PTPRE: variants seen among roughly 807,000 people sequenced by gnomAD.
PTPRE encodes the protein protein tyrosine phosphatase receptor type E, also known as receptor-type tyrosine-protein phosphatase epsilon.
A neutral mutation model predicts 102.0 loss-of-function variants in PTPRE; 51 were observed. The observed-to-expected ratio is 0.50, with a 90% CI of 0.40 to 0.63. PTPRE has a LOEUF of 0.63. Among genes scored for constraint, PTPRE ranks in the 30% least tolerant of loss-of-function variants. The pLI, the probability that PTPRE is intolerant of heterozygous loss-of-function variation, is 0.00. For missense variants in PTPRE, 752 were observed against 915.1 expected, an observed-to-expected ratio of 0.82 and a Z score of 2.30; for synonymous variants, 345 against 348.2, an observed-to-expected ratio of 0.99 and a Z score of 0.10.
intron 2 of PTPRE, among the ~76,000 whole-genome samples, chr10:128,038,409 A>T (rs867242923): frequency 3.9e-5 from 6 of 152,194 alleles, no homozygotes; most frequent in South Asian, 4.1e-4. Context: ...AACCAACCCA[A>T]ATGTCCAACA....
intron 1 of PTPRE, among the ~76,000 whole-genome samples, chr10:127,941,267 C>T (rs2135291264): frequency 6.6e-6 from 1 of 152,366 alleles, no homozygotes; most frequent in East Asian, 1.9e-4. Context: ...ACTCCTTCCC[C>T]ATGTCAGCAT....
At chr10:128,009,869 AC>A (rs1187198286) in intron 2 of PTPRE, among the ~76,000 whole-genome samples, 2 of 151,856 alleles carry the variant, frequency 1.3e-5, no homozygotes, top group Non-Finnish European at 2.9e-5. Flanking sequence ...TGGTGGCCTC[AC>A]CCCCCTCCAT....
At chr10:127,991,390 C>G (rs892904030) in intron 2 of PTPRE, among the ~76,000 whole-genome samples, 3 of 152,126 alleles carry the variant, frequency 2.0e-5, no homozygotes, top group Non-Finnish European at 4.4e-5. Flanking sequence ...AAGTCATTTT[C>G]CTTTAAAAAA....
At position 127,907,411 on chromosome 10, in the gene PTPRE, G is replaced by C. The variant is rs1453470125; in HGVS notation, c.-31+102G>C. Reference sequence around the variant, plus strand: ...CGCTGCCTCGGCCGCTGCCGCGGGAGGGAGGGGCCGCTCCGGGGCTCAGAG... The same window carrying C: ...CGCTGCCTCGGCCGCTGCCGCGGGACGGAGGGGCCGCTCCGGGGCTCAGAG... On this transcript the variant is annotated intron_variant, in intron 1 of 20. Transcript: ENST00000254667. This position sits in a 1 kb window ranked among gnomAD's most constrained non-coding sequence, Gnocchi z 4.8. The C allele has an allele frequency of 5.7e-6, 5 of 882,798 alleles. No homozygotes were observed. The highest frequency in any genetic ancestry group is 1.8e-5 in the African/African-American group (1 of 54,810). The allele number at this position is 882,798 out of a possible 1,614,324, so 54.7% of individuals were successfully genotyped here.
intron 2 of PTPRE, among the ~76,000 whole-genome samples, chr10:127,990,430 A>AAAAG (rs1564855577): frequency 3.3e-5 from 5 of 151,452 alleles, no homozygotes; most frequent in African/African-American, 7.3e-5. Flanking sequence ...AAAAAAAAAA[A>AAAAG]AAAGAAAGAA....
chr10:128,051,059 A>G (rs781076292), intron 6 of PTPRE, among the ~76,000 whole-genome samples: 8 of 152,206 alleles, frequency 5.3e-5, no homozygotes, highest in Non-Finnish European at 8.8e-5. Flanking sequence ...TTGTGTTGCA[A>G]TCTCTCAGCC....
chr10:128,077,340 G>A (rs560126056), intron 18 of PTPRE, among the ~76,000 whole-genome samples: 1 of 152,366 alleles, frequency 6.6e-6, no homozygotes, highest in East Asian at 1.9e-4. Flanking sequence ...AGCTGCCAAG[G>A]ATCCCGTAGG....
chr10:128,070,740 C>T lies in PTPRE; in HGVS notation c.1294-68C>T. ...GGCGTCCTTGCCAGCAGCACTAGTC[C>T]TCGGCTGAGCAATGTGCTCAGGAGT... On this transcript the variant is annotated intron_variant, in intron 14 of 20. Coordinates refer to ENST00000254667, the MANE Select transcript of PTPRE (RefSeq NM_006504.6). The surrounding 1 kb of genome is among the most constrained non-coding windows in gnomAD (Gnocchi z 4.8). 1.3e-6 allele frequency: 2 copies of T among 1,518,778 alleles called. No individual in the cohort carries two copies. The highest frequency in any genetic ancestry group is 1.8e-6 in the Non-Finnish European group (2 of 1,103,234). The allele number at this position is 1,518,778 out of a possible 1,614,324, so 94.1% of individuals were successfully genotyped here. A position where few individuals can be genotyped will look rare whatever the true frequency, so the allele number is the denominator to read the frequency against.
At chr10:127,910,654 C>G (rs567753689) in intron 1 of PTPRE, among the ~76,000 whole-genome samples, 1 of 152,204 alleles carries the variant, frequency 6.6e-6, no homozygotes, top group Non-Finnish European at 1.5e-5. Context: ...GAGTAATCAT[C>G]GCTACTTCCC....
intron 3 of PTPRE, 72 bp from the exon 4 acceptor site, chr10:128,047,316 GGC>G: frequency 6.5e-7 from 1 of 1,544,216 alleles, no homozygotes; most frequent in Non-Finnish European, 8.8e-7. Flanking sequence ...CAGGAAGAAG[GGC>G]TTATGGAGGG....
Position 127,960,919 on chromosome 10 carries a change from G to T in PTPRE, c.-30-21355G>T, listed in dbSNP as rs1259939702. 1.6e-4 allele frequency among the ~76,000 whole-genome samples: 24 copies of T among 151,814 alleles called. 1 individual carries two copies. The highest frequency in any genetic ancestry group is 3.5e-4 in the Non-Finnish European group (24 of 67,974). On this transcript the variant is annotated intron_variant, in intron 1 of 20. Coordinates refer to ENST00000254667, the MANE Select transcript of PTPRE (RefSeq NM_006504.6). ...ACCTGTAGTCCCAGCTACTCAGGAG[G>T]CTGAGGCAGGAGAATGGCGTGAACC...
At chr10:127,976,268 C>G (rs1851170841) in intron 1 of PTPRE, among the ~76,000 whole-genome samples, 1 of 152,166 alleles carries the variant, frequency 6.6e-6, no homozygotes, top group Non-Finnish European at 1.5e-5. Flanking sequence ...CGGAAGGGAG[C>G]CTGGAATCAA....
chr10:127,982,622 A>C (rs145544146), intron 2 of PTPRE, among the ~76,000 whole-genome samples: 3 of 152,088 alleles, frequency 2.0e-5, no homozygotes, highest in African/African-American at 7.2e-5. Flanking sequence ...GTTGCTTTTA[A>C]AAGGGCCTAG....
chr10:128,067,826 G>A (rs905831243), intron 11 of PTPRE, among the ~76,000 whole-genome samples: 1 of 152,208 alleles, frequency 6.6e-6, no homozygotes, highest in South Asian at 2.1e-4. Context: ...CTGCTTGCAC[G>A]GGGGTCTGTG....
chr10:127,971,377 G>T (rs932074924), intron 1 of PTPRE, among the ~76,000 whole-genome samples: 12 of 152,150 alleles, frequency 7.9e-5, no homozygotes, highest in African/African-American at 2.9e-4. Context: ...CCTGGAGGGC[G>T]TCTCCATGTT....
intron 1 of PTPRE, among the ~76,000 whole-genome samples, chr10:127,970,582 T>C (rs1381636464): frequency 1.3e-5 from 2 of 152,010 alleles, no homozygotes; most frequent in African/African-American, 2.4e-5. Flanking sequence ...AATAAATATC[T>C]GCTGAGCCGT....
intron 2 of PTPRE, among the ~76,000 whole-genome samples, chr10:128,023,781 T>C (rs1247131874): frequency 1.3e-5 from 2 of 152,210 alleles, no homozygotes; most frequent in Non-Finnish European, 2.9e-5. Flanking sequence ...TGTCTGTGAA[T>C]TGTAGTTTAC....
At chr10:128,080,821 G>C (rs1012770509) in intron 20 of PTPRE, among the ~76,000 whole-genome samples, 2 of 152,214 alleles carry the variant, frequency 1.3e-5, no homozygotes, top group African/African-American at 4.8e-5. Context: ...TGCCTGGCCC[G>C]TGGCGAGGGC....
At chr10:128,077,437 C>T (rs1441662914) in intron 18 of PTPRE, among the ~76,000 whole-genome samples, 180 bp from the exon 19 acceptor site, 1 of 152,200 alleles carries the variant, frequency 6.6e-6, no homozygotes, top group Admixed American at 6.5e-5. Flanking sequence ...AGCCACCTGC[C>T]TTCTTCTTTA....
Sources: gnomAD v4.1 joint callset for allele counts (sites outside exome capture counted in the v4.1 genomes callset) on GRCh38, gnomAD v4.1.1 for gene constraint, Gnocchi (gnomAD v3.1) non-coding constraint, MANE v1.5 for transcripts, NCBI Gene and HGNC (gene_info 2026-07-23, HGNC 2026-07-21) for gene names.